IRAK2: variants seen among roughly 807,000 people sequenced by gnomAD.
IRAK2 encodes interleukin-1 receptor-associated kinase-like 2.
A neutral mutation model predicts 72.0 loss-of-function variants in IRAK2; 57 were observed. That is an observed-to-expected ratio of 0.79 (90% CI 0.64 to 0.99). The LOEUF is 0.99. Among genes scored for constraint, IRAK2 ranks in the 50% least tolerant of loss-of-function variants. The pLI, the probability that IRAK2 is intolerant of heterozygous loss-of-function variation, is 0.00. For synonymous variants in IRAK2, 293 were observed against 312.7 expected, an observed-to-expected ratio of 0.94 and a Z score of 0.67; for missense variants, 790 against 794.4, an observed-to-expected ratio of 0.99 and a Z score of 0.07.
intron 11 of IRAK2, among the ~76,000 whole-genome samples, chr3:10,236,719 A>C (rs1697966331): frequency 6.6e-6 from 1 of 152,194 alleles, no homozygotes; most frequent in Non-Finnish European, 1.5e-5. Context: ...TCCTTCAACC[A>C]ATTATTCTTT....
rs34176794 is a variant in IRAK2 at position 10,165,721 on chromosome 3, ATTTTTTT to A, written c.94+694_94+700del. On this transcript the variant is annotated intron_variant, in intron 1 of 12. Coordinates refer to ENST00000256458, the MANE Select transcript of IRAK2 (RefSeq NM_001570.4). Reference sequence around the variant, plus strand: ...ATGTTGGCCAGACTGGTCTTGAACTATTTTTTTTTTTTTTTTTTTTTTTTTTTAAGAC... The same window carrying A: ...ATGTTGGCCAGACTGGTCTTGAACTATTTTTTTTTTTTTTTTTTTTAAGAC... Among the ~76,000 whole-genome samples the A allele has an allele frequency of 6.2e-3, 475 of 76,784 alleles. 6 individuals are homozygous for A. The highest frequency in any genetic ancestry group is 0.022 in the African/African-American group (436 of 19,870). The allele number at this position is 76,784 out of a possible 152,430, so 50.4% of individuals were successfully genotyped here. A position where few individuals can be genotyped will look rare whatever the true frequency, so the allele number is the denominator to read the frequency against.
chr3:10,187,583 T>C (rs541593339), intron 2 of IRAK2, among the ~76,000 whole-genome samples: 1 of 152,268 alleles, frequency 6.6e-6, no homozygotes, highest in African/African-American at 2.4e-5. Context: ...AAAGGGTTCA[T>C]GAATAACTAA....
At chr3:10,233,752 A>G (rs1439581723) in intron 10 of IRAK2, among the ~76,000 whole-genome samples, 2 of 152,198 alleles carry the variant, frequency 1.3e-5, no homozygotes, top group Non-Finnish European at 2.9e-5. Flanking sequence ...ACTATTAGTT[A>G]TTATCACTAA....
At chr3:10,169,785 G>C (rs982809746) in intron 1 of IRAK2, among the ~76,000 whole-genome samples, 2 of 152,168 alleles carry the variant, frequency 1.3e-5, no homozygotes, top group Non-Finnish European at 2.9e-5. Context: ...TACATCCTCA[G>C]CTTATGAAAA....
At chr3:10,180,389 A>G (rs1313240235) in intron 2 of IRAK2, among the ~76,000 whole-genome samples, 1 of 152,190 alleles carries the variant, frequency 6.6e-6, no homozygotes, top group Non-Finnish European at 1.5e-5. Context: ...TAGTACAGAA[A>G]TGGGCAGGCA....
At chr3:10,195,067 G>A (rs976487979) in intron 2 of IRAK2, among the ~76,000 whole-genome samples, 1 of 152,198 alleles carries the variant, frequency 6.6e-6, no homozygotes, top group East Asian at 1.9e-4. Flanking sequence ...GCCACCGCAT[G>A]TCACTGCAGA....
At chr3:10,165,719 C>CTTTTTT (rs1696673297) in intron 1 of IRAK2, among the ~76,000 whole-genome samples, 1 of 89,294 alleles carries the variant, frequency 1.1e-5, no homozygotes, top group African/African-American at 4.9e-5. Context: ...TGGTCTTGAA[C>CTTTTTT]TATTTTTTTT....
intron 7 of IRAK2, among the ~76,000 whole-genome samples, chr3:10,217,826 A>G (rs757147861): frequency 3.3e-5 from 5 of 152,182 alleles, no homozygotes; most frequent in African/African-American, 7.2e-5. Flanking sequence ...CTCACGGCAT[A>G]CTAATGATCT....
chr3:10,182,532 C>A (rs939972580), intron 2 of IRAK2, among the ~76,000 whole-genome samples: 3 of 150,036 alleles, frequency 2.0e-5, no homozygotes, highest in African/African-American at 4.9e-5. Context: ...CCGCCCGCCT[C>A]GGCCTCCCAA....
At chr3:10,174,990 C>T (rs1270694645) in intron 1 of IRAK2, among the ~76,000 whole-genome samples, 2 of 150,986 alleles carry the variant, frequency 1.3e-5, no homozygotes, top group African/African-American at 4.9e-5. Context: ...GCTGGGGAGG[C>T]TGAGGTGGGA....
chr3:10,199,583 T>C (rs1697322713), intron 2 of IRAK2, among the ~76,000 whole-genome samples: 1 of 152,132 alleles, frequency 6.6e-6, no homozygotes, highest in Admixed American at 6.6e-5. Flanking sequence ...AGCCAGAACT[T>C]TGATCCCTAG....
chr3:10,182,528 G>A (rs1178683230), intron 2 of IRAK2, among the ~76,000 whole-genome samples: 2 of 151,850 alleles, frequency 1.3e-5, no homozygotes, highest in African/African-American at 2.4e-5. Context: ...TGATCCGCCC[G>A]CCTCGGCCTC....
chr3:10,224,861 G>A (rs1276426650), intron 9 of IRAK2, among the ~76,000 whole-genome samples: 2 of 148,704 alleles, frequency 1.3e-5, no homozygotes, highest in Non-Finnish European at 3.0e-5. Flanking sequence ...CTGGTTGACT[G>A]ATAACGCTTT....
chr3:10,197,405 G>T (rs1697286035), intron 2 of IRAK2, among the ~76,000 whole-genome samples: 1 of 149,328 alleles, frequency 6.7e-6, no homozygotes, highest in South Asian at 2.1e-4. Flanking sequence ...AAAAGAAAAA[G>T]AAAAAGAAAA....
At chr3:10,167,962 T>G (rs1367049019) in intron 1 of IRAK2, among the ~76,000 whole-genome samples, 1 of 152,148 alleles carries the variant, frequency 6.6e-6, no homozygotes, top group East Asian at 1.9e-4. Flanking sequence ...TGCACCCAGC[T>G]AACTTTTGTA....
intron 1 of IRAK2, among the ~76,000 whole-genome samples, chr3:10,175,293 AT>A: frequency 6.6e-6 from 1 of 151,818 alleles, no homozygotes; most frequent in East Asian, 2.0e-4. Context: ...CACCTGGCTA[AT>A]TTTTGTATTT....
At chr3:10,192,053 TG>T (rs1480273754) in intron 2 of IRAK2, among the ~76,000 whole-genome samples, 1 of 151,534 alleles carries the variant, frequency 6.6e-6, no homozygotes, top group Non-Finnish European at 1.5e-5. Flanking sequence ...TGTGTGTGTG[TG>T]TGTGTGTTGT....
At chr3:10,232,484 T>A (rs913492220) in intron 10 of IRAK2, among the ~76,000 whole-genome samples, 2 of 152,324 alleles carry the variant, frequency 1.3e-5, no homozygotes, top group Non-Finnish European at 1.5e-5. Context: ...GTTTTAGTGC[T>A]AAGATTGATC....
At chr3:10,166,025 G>T (rs889249202) in intron 1 of IRAK2, among the ~76,000 whole-genome samples, 21 of 151,932 alleles carry the variant, frequency 1.4e-4, no homozygotes, top group African/African-American at 5.1e-4. Flanking sequence ...CACCGCGCCC[G>T]GCCTCCGGAA....
Sources: allele counts gnomAD v4.1 joint callset (sites outside exome capture counted in the v4.1 genomes callset), GRCh38; gene constraint gnomAD v4.1.1; transcripts MANE v1.5; gene names NCBI Gene and HGNC (gene_info 2026-07-23, HGNC 2026-07-21).